Variants in FHIT observed in about 807,000 individuals in gnomAD.
FHIT encodes bis(5'-adenosyl)-triphosphatase.
FHIT carries 19 observed loss-of-function variants against 17.9 expected under a neutral mutation model. The observed-to-expected ratio is 1.06, with a 90% confidence interval of 0.74 to 1.56. The LOEUF is 1.56. Among genes scored for constraint, FHIT ranks in the 40% most tolerant of loss-of-function variants. The probability of loss-of-function intolerance (pLI) is 0.00; values close to 1 mark genes in which losing one functional copy is unlikely to be tolerated. For missense variants in FHIT, 248 were observed against 189.2 expected (o/e 1.31, Z -1.82); for synonymous variants, 81 against 69.7 (o/e 1.16, Z -0.81).
At chr3:59,890,648 C>T (rs374842393) in intron 8 of FHIT, among the ~76,000 whole-genome samples, 1 of 152,098 alleles carries the variant, frequency 6.6e-6, no homozygotes, top group African/African-American at 2.4e-5. Context: ...CTTAAATCAG[C>T]GTTTCCCAAG....
intron 2 of FHIT, among the ~76,000 whole-genome samples, chr3:61,184,675 C>A (rs1313230848): frequency 2.6e-5 from 4 of 152,106 alleles, no homozygotes; most frequent in South Asian, 2.1e-4. Context: ...ATTGTGATTC[C>A]ACACATCTCT....
intron 2 of FHIT, among the ~76,000 whole-genome samples, chr3:61,161,182 T>G (rs2037681294): frequency 1.3e-5 from 2 of 149,130 alleles, no homozygotes; most frequent in Non-Finnish European, 3.0e-5. Context: ...CTTTCACCCA[T>G]GATTAGAGCA....
chr3:60,883,055 T>G (rs1705047792), intron 3 of FHIT, among the ~76,000 whole-genome samples: 1 of 152,002 alleles, frequency 6.6e-6, no homozygotes, highest in Admixed American at 6.6e-5. Flanking sequence ...TCAGTACCAT[T>G]TCTATACACC....
chr3:60,531,651 G>T (rs374242934), intron 5 of FHIT, among the ~76,000 whole-genome samples: 3 of 152,180 alleles, frequency 2.0e-5, no homozygotes, highest in Admixed American at 6.5e-5. Flanking sequence ...GAATTCACAA[G>T]ATTACAACCT....
rs578211566 is a variant in FHIT at position 59,816,157 on chromosome 3, A to G, written c.349-63836T>C. The stretch of plus-strand genomic sequence containing the variant: ...ACAGCCAAGACTGAATAACTGTGAG[A>G]CTGTGGGCAAGCTGGTGAGTTCTTC... On this transcript the variant is annotated intron_variant, in intron 8 of 9. Transcript: ENST00000492590. 2.6e-5 allele frequency among the ~76,000 whole-genome samples: 4 copies of G among 152,262 alleles called. No individual in the cohort carries two copies. In the East Asian group the frequency reaches 7.7e-4, roughly 29 times the overall value.
intron 4 of FHIT, among the ~76,000 whole-genome samples, chr3:60,701,338 A>T (rs1459597460): frequency 1.3e-5 from 2 of 152,118 alleles, no homozygotes; most frequent in Non-Finnish European, 2.9e-5. Context: ...TCTCAAGACG[A>T]GGGAACTGCA....
intron 2 of FHIT, among the ~76,000 whole-genome samples, chr3:61,124,703 G>A (rs941627418): frequency 6.6e-6 from 1 of 152,140 alleles, no homozygotes; most frequent in African/African-American, 2.4e-5. Flanking sequence ...GGTTCATTGT[G>A]AGAGTTTAAG....
intron 4 of FHIT, among the ~76,000 whole-genome samples, chr3:60,780,713 T>G (rs79739339): frequency 1.3e-5 from 2 of 152,098 alleles, no homozygotes; most frequent in Admixed American, 6.6e-5. Context: ...TTATCCTTAA[T>G]CTAAACGGCA....
At position 59,867,466 on chromosome 3, in the gene FHIT, G is replaced by A. The variant is rs138389144; in HGVS notation, c.348+54880C>T. On this transcript the variant is annotated intron_variant, in intron 8 of 9. Coordinates refer to ENST00000492590, the MANE Select transcript of FHIT (RefSeq NM_002012.4). The stretch of plus-strand genomic sequence containing the variant: ...TGCTCCCCTTTTAAGATTTCTCATT[G>A]TCCATACACTCAGAAATGAGAAGAG... Among the ~76,000 whole-genome samples, 733 of 152,148 alleles carry A rather than the reference G, an allele frequency of 4.8e-3. 9 individuals carry two copies. Among genetic ancestry groups the A allele is most frequent in the African/African-American group, 0.017 (711 of 41,502 alleles).
At chr3:60,757,289 G>C (rs1423632466) in intron 4 of FHIT, among the ~76,000 whole-genome samples, 1 of 152,146 alleles carries the variant, frequency 6.6e-6, no homozygotes, top group African/African-American at 2.4e-5. Context: ...GCCAGACATT[G>C]TTCTGAATTC....
intron 5 of FHIT, among the ~76,000 whole-genome samples, chr3:60,404,889 G>A (rs1039917279): frequency 3.3e-5 from 5 of 152,148 alleles, no homozygotes; most frequent in African/African-American, 1.2e-4. Flanking sequence ...GGAAGGAGTA[G>A]GAAGCAATAC....
At chr3:60,646,949 G>C (rs1553686901) in intron 4 of FHIT, among the ~76,000 whole-genome samples, 1 of 152,200 alleles carries the variant, frequency 6.6e-6, no homozygotes, top group Non-Finnish European at 1.5e-5. Flanking sequence ...AGCAATCACA[G>C]TGCTCTAGTT....
intron 5 of FHIT, among the ~76,000 whole-genome samples, chr3:60,226,303 T>C (rs556344688): frequency 1.3e-5 from 2 of 151,978 alleles, no homozygotes; most frequent in African/African-American, 4.8e-5. Flanking sequence ...AGAAACCCTG[T>C]CTCTACTAAA....
At chr3:60,760,171 G>A (rs570309820) in intron 4 of FHIT, among the ~76,000 whole-genome samples, 15 of 152,090 alleles carry the variant, frequency 9.9e-5, no homozygotes, top group African/African-American at 3.6e-4. Flanking sequence ...GAATTGTCTA[G>A]TAGGGAGAGG....
chr3:61,111,004 C>T (rs148828466), intron 2 of FHIT, among the ~76,000 whole-genome samples: 77 of 152,224 alleles, frequency 5.1e-4, no homozygotes, highest in African/African-American at 1.8e-3. Context: ...TAACTATGGC[C>T]CCCGAAACAA....
intron 7 of FHIT, among the ~76,000 whole-genome samples, chr3:59,963,760 C>T (rs1054559361): frequency 6.6e-6 from 1 of 152,124 alleles, no homozygotes; most frequent in Non-Finnish European, 1.5e-5. Flanking sequence ...AATTCTCAAT[C>T]CATAAAGCTT....
chr3:59,864,137 C>G (rs1463008091), intron 8 of FHIT, among the ~76,000 whole-genome samples: 1 of 150,646 alleles, frequency 6.6e-6, no homozygotes, highest in Non-Finnish European at 1.5e-5. Flanking sequence ...TACACAGTAC[C>G]TAGCTAACCC....
intron 5 of FHIT, among the ~76,000 whole-genome samples, chr3:60,482,628 A>G (rs562595449): frequency 1.4e-4 from 21 of 152,330 alleles, no homozygotes; most frequent in Non-Finnish European, 2.9e-4. Context: ...TTTGAAACCA[A>G]TGAGAACAAA....
chr3:60,580,832 G>A (rs782687172), intron 4 of FHIT, among the ~76,000 whole-genome samples: 10 of 152,086 alleles, frequency 6.6e-5, no homozygotes, highest in Non-Finnish European at 1.0e-4. Context: ...GGGATGGAGT[G>A]CCATGATTGA....
Sources: allele counts gnomAD v4.1 joint callset (sites outside exome capture counted in the v4.1 genomes callset), GRCh38; gene constraint gnomAD v4.1.1; transcripts MANE v1.5; gene names NCBI Gene and HGNC (gene_info 2026-07-23, HGNC 2026-07-21).